The following CSMD2 variants were observed in gnomAD, a reference collection of about 807,000 sequenced individuals.
CSMD2 encodes the protein CUB and sushi domain-containing protein 2.
Under a neutral mutation model 398.5 loss-of-function variants are expected in CSMD2, and 130 were observed. That is an observed-to-expected ratio of 0.33 (90% CI 0.28 to 0.38). The LOEUF (loss-of-function observed/expected upper bound fraction) is 0.38, where lower values mean the gene tolerates loss of function less well. Ranked by LOEUF, CSMD2 falls within the 10% of genes least tolerant of loss-of-function variation. CSMD2 has a pLI of 1.00. For synonymous variants in CSMD2, 1,828 were observed against 1,908.5 expected, an observed-to-expected ratio of 0.96 and a Z score of 1.10; for missense variants, 3,829 against 4,764.9, an observed-to-expected ratio of 0.80 and a Z score of 5.78.
In CSMD2 at chr1:33,962,272, C is replaced by G. The variant is rs189528865; in HGVS notation, c.518-26318G>C. Among the ~76,000 whole-genome samples, 21 of 152,128 alleles carry G rather than the reference C, an allele frequency of 1.4e-4. No homozygotes were observed. In the East Asian group the frequency reaches 4.1e-3, roughly 29 times the overall value. On this transcript the variant is annotated intron_variant, in intron 3 of 70. Transcript: ENST00000373381. The stretch of plus-strand genomic sequence containing the variant: ...AGGAGCATGTCTGCCTGAAAGCGGT[C>G]CCTGGGGAGGGGGAGCGAGTTCTAT...
In CSMD2 at chr1:34,164,879, G is replaced by A. The variant is rs1031220708; in HGVS notation, c.187+32C>T. On this transcript the variant is annotated intron_variant, in intron 1 of 70. Transcript: ENST00000373381. This position sits in a 1 kb window ranked among gnomAD's most constrained non-coding sequence, Gnocchi z 6.2. ...TCGGGGCTCGGGTGGGGCGCGCGGC[G>A]GCCGCTGGCTCCTCGGCGCGGCTGG... 136 of 1,217,606 alleles carry A rather than the reference G, an allele frequency of 1.1e-4. No individual in the cohort carries two copies. In the African/African-American group the frequency reaches 1.7e-3, roughly 15 times the overall value. The allele number at this position is 1,217,606 out of a possible 1,614,324, so 75.4% of individuals were successfully genotyped here.
At chr1:33,535,777 C>G (rs1473702336) in intron 62 of CSMD2, among the ~76,000 whole-genome samples, 1 of 152,236 alleles carries the variant, frequency 6.6e-6, no homozygotes, top group Non-Finnish European at 1.5e-5. Flanking sequence ...CTCAGCACTC[C>G]TTTGCACCAG....
chr1:34,058,268 C>T (rs1157347180), intron 2 of CSMD2, among the ~76,000 whole-genome samples: 1 of 152,070 alleles, frequency 6.6e-6, no homozygotes, highest in African/African-American at 2.4e-5. Flanking sequence ...TCCTTGTTTC[C>T]ACACCTGCAA....
At chr1:33,840,289 G>A (rs186263549) in intron 6 of CSMD2, 3 of 152,268 alleles carry the variant, frequency 2.0e-5, no homozygotes, top group East Asian at 1.9e-4. Flanking sequence ...TAGCCTATGC[G>A]GCCTAAGCAA....
chr1:33,688,652 CTG>C (rs1236832514), intron 25 of CSMD2, among the ~76,000 whole-genome samples: 1 of 151,918 alleles, frequency 6.6e-6, no homozygotes, highest in Non-Finnish European at 1.5e-5. Context: ...TGGTGAAACC[CTG>C]TCTCTACAAA....
chr1:34,006,271 T>C (rs1647051224), intron 3 of CSMD2, among the ~76,000 whole-genome samples: 2 of 152,168 alleles, frequency 1.3e-5, no homozygotes, highest in African/African-American at 4.8e-5. Context: ...CAGAGATTAA[T>C]ATCTTGCCTA....
chr1:34,118,411 T>C (rs1442815436), intron 1 of CSMD2, among the ~76,000 whole-genome samples: 1 of 152,176 alleles, frequency 6.6e-6, no homozygotes, highest in East Asian at 1.9e-4. Flanking sequence ...TGGAAGTCCT[T>C]GCCAGAGGAC....
At position 33,515,017 on chromosome 1, in the gene CSMD2, C is replaced by T. The variant is rs1440087203; in HGVS notation, c.*1607G>A. ...GAATCTCTGAGGCCAGCATGTCACA[C>T]GTATACAGGGGCTTAAGCTTGTGGG... On this transcript the variant is annotated 3_prime_UTR_variant, in exon 71 of 71. Transcript: ENST00000373381. 2 of 152,214 alleles carry T rather than the reference C, an allele frequency of 1.3e-5. No individual in the cohort carries two copies. Among genetic ancestry groups the T allele is most frequent in the Non-Finnish European group, 2.9e-5 (2 of 68,048 alleles). 9.4% of individuals were successfully genotyped at this position (152,214 alleles called of 1,614,324 possible).
intron 2 of CSMD2, among the ~76,000 whole-genome samples, chr1:34,082,415 G>A (rs1383186939): frequency 3.3e-5 from 5 of 151,894 alleles, no homozygotes; most frequent in Admixed American, 1.3e-4. Context: ...TCTGGGAGGT[G>A]GGGGGCGCCC....
chr1:34,018,301 A>G (rs562365429), intron 3 of CSMD2, among the ~76,000 whole-genome samples: 1 of 152,168 alleles, frequency 6.6e-6, no homozygotes, highest in Non-Finnish European at 1.5e-5. Flanking sequence ...CTACTGTTGG[A>G]CATTTTTACA....
chr1:33,524,970 G>A lies in CSMD2; in HGVS notation c.10308C>T (p.Ala3436=), dbSNP rs771646055. 4 of 1,614,206 alleles carry A rather than the reference G, an allele frequency of 2.5e-6. No homozygotes were observed. Among genetic ancestry groups the A allele is most frequent in the Non-Finnish European group, 3.4e-6 (4 of 1,180,026 alleles). Reference sequence around the variant, plus strand: ...CTTGGAAGCCAGTCACTCTGAGCATGGCTGGCTGCTTCTTCCCCTGGTATT... The same window carrying A: ...CTTGGAAGCCAGTCACTCTGAGCATAGCTGGCTGCTTCTTCCCCTGGTATT... ...AYEYQGKKQP[A]MLRVTGFQVA... is the part of the protein sequence containing the mutation. Residue 3436 remains alanine (A), a synonymous_variant, in exon 66 of 71, where the codon GCC becomes GCT. Coordinates refer to ENST00000373381, the MANE Select transcript of CSMD2 (RefSeq NM_001281956.2).
chr1:33,635,879 A>T lies in CSMD2; in HGVS notation c.4969+481T>A, dbSNP rs1417458328. 6.6e-6 allele frequency among the ~76,000 whole-genome samples: 1 copy of T among 152,030 alleles called. No homozygotes were observed. The highest frequency in any genetic ancestry group is 2.4e-5 in the African/African-American group (1 of 41,390). On this transcript the variant is annotated intron_variant, in intron 30 of 70. Transcript: ENST00000373381. The surrounding 1 kb of genome is among the most constrained non-coding windows in gnomAD (Gnocchi z 5.0). ...ACAAAGGGGGTATGCTTGGCTTTTC[A>T]ATGGGTGGTCACCAAGCTCTTAAAG...
intron 25 of CSMD2, among the ~76,000 whole-genome samples, chr1:33,680,525 C>T (rs373083854): frequency 1.6e-4 from 25 of 152,212 alleles, no homozygotes; most frequent in African/African-American, 4.8e-4. Context: ...TCTTGCACTC[C>T]GCCCAGGCAC....
At chr1:33,657,435 C>G (rs770430146) in intron 27 of CSMD2, among the ~76,000 whole-genome samples, 1 of 152,212 alleles carries the variant, frequency 6.6e-6, no homozygotes, top group Non-Finnish European at 1.5e-5. Flanking sequence ...GATGGTGCCA[C>G]TGCACTCCAG....
At position 33,790,496 on chromosome 1, in the gene CSMD2, T is replaced by C. The variant is rs150413193; in HGVS notation, c.1551-1784A>G. 2.6e-3 allele frequency among the ~76,000 whole-genome samples: 392 copies of C among 152,326 alleles called. 3 individuals carry two copies. The highest frequency in any genetic ancestry group is 8.8e-3 in the African/African-American group (364 of 41,574). ...TGAACTTGAACTGTAACATCAGCTC[T>C]TCCTGGATCTTGAACCTACTGGCAT... On this transcript the variant is annotated intron_variant, in intron 11 of 70. Transcript: ENST00000373381.
chr1:34,071,619 T>A (rs115145265), intron 2 of CSMD2, among the ~76,000 whole-genome samples: 1,908 of 152,260 alleles, frequency 0.013, 44 homozygotes, highest in African/African-American at 0.044. Flanking sequence ...CACTAAGTCA[T>A]ATGGCTCCAT....
chr1:34,074,985 T>C (rs1186542421), intron 2 of CSMD2, among the ~76,000 whole-genome samples: 2 of 152,226 alleles, frequency 1.3e-5, no homozygotes, highest in Non-Finnish European at 2.9e-5. Flanking sequence ...ATAGCACTTA[T>C]ACCCTGATTA....
intron 5 of CSMD2, chr1:33,862,088 C>T (rs1284177311): frequency 6.6e-6 from 1 of 152,210 alleles, no homozygotes; most frequent in Non-Finnish European, 1.5e-5. Context: ...GGAAGGGCAA[C>T]TCTTAGATAC....
At position 34,028,135 on chromosome 1, in the gene CSMD2, A is replaced by C. The variant is rs183052372; in HGVS notation, c.517+4459T>G. Among the ~76,000 whole-genome samples, 222 of 152,194 alleles carry C rather than the reference A, an allele frequency of 1.5e-3. 2 individuals are homozygous for C. The highest frequency in any genetic ancestry group is 5.1e-3 in the African/African-American group (210 of 41,528). ...GGAATTCGAGACCAGCCTGGGAAAC[A>C]TGGTGAAACCCTATCTTTACCAAAA... On this transcript the variant is annotated intron_variant, in intron 3 of 70. Transcript: ENST00000373381.
Sources: allele counts gnomAD v4.1 joint callset (sites outside exome capture counted in the v4.1 genomes callset), GRCh38; gene constraint gnomAD v4.1.1; non-coding constraint Gnocchi (gnomAD v3.1); transcripts MANE v1.5; gene names NCBI Gene and HGNC (gene_info 2026-07-23, HGNC 2026-07-21).